HOMER2: variants seen among roughly 807,000 people sequenced by gnomAD.
HOMER2 encodes homer scaffold protein 2, also known as homer protein homolog 2.
In HOMER2, 27 loss-of-function variants were observed where a neutral mutation model predicts 47.0. The ratio of observed to expected loss-of-function variants is 0.57; its 90% CI spans 0.42 to 0.79. HOMER2 has a LOEUF of 0.79. Among genes scored for constraint, HOMER2 ranks in the 30% least tolerant of loss-of-function variants. HOMER2 has a pLI of 0.00. For missense variants in HOMER2, 443 were observed against 435.0 expected (o/e 1.02, Z -0.16); for synonymous variants, 161 against 163.8 (o/e 0.98, Z 0.13).
intron 1 of HOMER2, among the ~76,000 whole-genome samples, chr15:82,916,324 G>A (rs751007782): frequency 2.6e-5 from 4 of 152,278 alleles, no homozygotes; most frequent in Non-Finnish European, 2.9e-5. Context: ...CAACTATAAA[G>A]GAGAGCTGTG....
exon 2 of HOMER2, chr15:82,843,184 G>A (rs528919887): frequency 6.6e-6 from 1 of 152,382 alleles, no homozygotes; most frequent in African/African-American, 2.4e-5. Context: ...GCTCACACCT[G>A]TAATTCCAGC....
At chr15:82,949,932 C>T (rs1035111976) in intron 1 of HOMER2, among the ~76,000 whole-genome samples, 1 of 152,072 alleles carries the variant, frequency 6.6e-6, no homozygotes, top group Middle Eastern at 3.4e-3. Context: ...GAGAAGACCC[C>T]GGAGAGAAAG....
chr15:82,864,664 AG>A (rs34599706), intron 3 of HOMER2, among the ~76,000 whole-genome samples: 36,251 of 152,134 alleles, frequency 0.24, 4,613 homozygotes, highest in African/African-American at 0.3. Flanking sequence ...TATAGTTTAA[AG>A]TACTTCAAAA....
At chr15:82,851,090 G>A (rs569926529) in intron 8 of HOMER2, 61 bp downstream of exon 8, 6 of 1,055,590 alleles carry the variant, frequency 5.7e-6, no homozygotes, top group Admixed American at 2.1e-5. Context: ...AGGAAAATGA[G>A]TACCATGACA....
intron 1 of HOMER2, among the ~76,000 whole-genome samples, chr15:82,970,131 C>T (rs931556870): frequency 2.0e-5 from 3 of 152,250 alleles, no homozygotes; most frequent in African/African-American, 7.2e-5. Context: ...GGAATAGATA[C>T]AATTGCACAT....
chr15:82,931,242 C>T (rs2054001157), intron 1 of HOMER2, among the ~76,000 whole-genome samples: 1 of 152,226 alleles, frequency 6.6e-6, no homozygotes, highest in African/African-American at 2.4e-5. Flanking sequence ...AGGACAACTT[C>T]GTCCAGCACC....
chr15:82,896,433 C>T (rs2052920701), intron 1 of HOMER2, among the ~76,000 whole-genome samples: 1 of 152,222 alleles, frequency 6.6e-6, no homozygotes, highest in African/African-American at 2.4e-5. Context: ...GCCTGCTCAG[C>T]TCTGTGGATG....
intron 3 of HOMER2, among the ~76,000 whole-genome samples, chr15:82,868,541 A>ATATATATATATATATATATATATATT: frequency 2.1e-4 from 15 of 71,258 alleles, no homozygotes; most frequent in African/African-American, 4.5e-4. Flanking sequence ...ATATATATAT[A>ATATATATATATATATATATATATATT]TTTTTTTTTT....
chr15:82,918,600 C>T (rs2053650115), intron 1 of HOMER2, among the ~76,000 whole-genome samples: 1 of 152,102 alleles, frequency 6.6e-6, no homozygotes, highest in Non-Finnish European at 1.5e-5. Flanking sequence ...TGTGATGACA[C>T]CTGAATGTGT....
rs2051304124 is a variant in HOMER2 at position 82,849,132 on chromosome 15, G to GCGGGGGA, written c.*582_*583insTCCCCCG. 1 of 151,570 alleles carries GCGGGGGA rather than the reference G, an allele frequency of 6.6e-6. No homozygotes were observed. Among genetic ancestry groups the GCGGGGGA allele is most frequent in the South Asian group, 2.1e-4 (1 of 4,804 alleles). The allele number at this position is 151,570 out of a possible 1,614,324, so 9.4% of individuals were successfully genotyped here. Reference sequence around the variant, plus strand: ...TGTTGCAACCGTACAAACTGGGGGGGCGGGGGGCAGGGGGCAGTAGCGTGG... The same window carrying GCGGGGGA: ...TGTTGCAACCGTACAAACTGGGGGGGCGGGGGACGGGGGGCAGGGGGCAGTAGCGTGG... On this transcript the variant is annotated 3_prime_UTR_variant, in exon 9 of 9. Transcript: ENST00000450735.
rs376545476 is a variant in HOMER2, at chr15:82,914,247, G to A, written c.6-21406C>T. Among the ~76,000 whole-genome samples the A allele has an allele frequency of 1.1e-3, 169 of 150,466 alleles. 2 individuals carry two copies. Among genetic ancestry groups the A allele is most frequent in the African/African-American group, 4.1e-3 (166 of 40,848 alleles). On this transcript the variant is annotated intron_variant, in intron 1 of 8. Coordinates refer to ENST00000450735, the MANE Select transcript of HOMER2 (RefSeq NM_004839.4). ...CACACAATTAGCCAGGCATGGTGGT[G>A]GGCACCTGTAGTCCCAGCTACTTGG...
At position 82,851,143 on chromosome 15, in the gene HOMER2, C is replaced by A; in HGVS notation, c.843+8G>T. 1.3e-6 allele frequency: 2 copies of A among 1,571,474 alleles called. No individual in the cohort carries two copies. Among genetic ancestry groups the A allele is most frequent in the Non-Finnish European group, 1.7e-6 (2 of 1,154,232 alleles). The stretch of plus-strand genomic sequence containing the variant: ...GAGCCAGGATGGCTGTGCCCCCAAC[C>A]CACGTACCTCTAGCTTCTCAGAGAC... On this transcript the variant is annotated splice_region_variant and intron_variant, in intron 8 of 8. Transcript: ENST00000450735.
At chr15:82,979,815 C>T (rs1176119632) in intron 1 of HOMER2, among the ~76,000 whole-genome samples, 2 of 152,110 alleles carry the variant, frequency 1.3e-5, no homozygotes, top group Non-Finnish European at 2.9e-5. Context: ...AAGATGAATT[C>T]CCATTTAGAC....
chr15:82,889,889 C>T (rs1382034582), intron 2 of HOMER2, among the ~76,000 whole-genome samples: 2 of 152,172 alleles, frequency 1.3e-5, no homozygotes, highest in Non-Finnish European at 1.5e-5. Flanking sequence ...AGACAGGATA[C>T]GTGCTCCCAT....
At chr15:82,927,406 A>C (rs2053880705) in intron 1 of HOMER2, among the ~76,000 whole-genome samples, 1 of 152,184 alleles carries the variant, frequency 6.6e-6, no homozygotes, top group African/African-American at 2.4e-5. Flanking sequence ...TAATTGAGGA[A>C]TTACTTTTGT....
intron 1 of HOMER2, among the ~76,000 whole-genome samples, chr15:82,959,549 C>A (rs950160541): frequency 6.6e-6 from 1 of 152,138 alleles, no homozygotes; most frequent in Admixed American, 6.5e-5. Flanking sequence ...TGGAAGTATA[C>A]GCATTAAGCC....
intron 3 of HOMER2, among the ~76,000 whole-genome samples, chr15:82,871,058 GC>G (rs1311562605): frequency 6.6e-6 from 1 of 152,188 alleles, no homozygotes; most frequent in Non-Finnish European, 1.5e-5. Context: ...ACATGCAAGT[GC>G]CTTTTCAATT....
At chr15:82,835,129 TTTTG>T (rs1567002259), downstream of HOMER2, 1 of 85,438 alleles carries the variant, frequency 1.2e-5, no homozygotes, top group Non-Finnish European at 2.3e-5. Flanking sequence ...ACTTCAGTTT[TTTTG>T]TTTTTTTTTT....
rs564888596 is a variant in HOMER2 at position 82,889,454 on chromosome 15, C to A, written c.162+3231G>T. Among the ~76,000 whole-genome samples the A allele has an allele frequency of 2.0e-5, 3 of 152,282 alleles. No individual in the cohort carries two copies. The South Asian group carries it at 6.2e-4, about 32-fold the overall frequency. On this transcript the variant is annotated intron_variant, in intron 2 of 8. Transcript: ENST00000450735. ...AAGAACAGAAGTGGAACCAAGCCGACTGAACAGAGATGGGGGTGAGGGTGG... is the reference window on the plus strand; with the variant it reads ...AAGAACAGAAGTGGAACCAAGCCGAATGAACAGAGATGGGGGTGAGGGTGG...
Sources: allele counts gnomAD v4.1 joint callset (sites outside exome capture counted in the v4.1 genomes callset), GRCh38; gene constraint gnomAD v4.1.1; transcripts MANE v1.5; gene names NCBI Gene and HGNC (gene_info 2026-07-23, HGNC 2026-07-21).